Variants in FHIT observed in about 807,000 individuals in gnomAD.
The protein encoded by FHIT is fragile histidine triad diadenosine triphosphatase.
In FHIT, 19 loss-of-function variants were observed where a neutral mutation model predicts 17.9. That is an observed-to-expected ratio of 1.06 (90% confidence interval 0.74 to 1.56). FHIT has a LOEUF of 1.56. Among genes scored for constraint, FHIT ranks in the 40% most tolerant of loss-of-function variants. The pLI is 0.00. For synonymous variants in FHIT, 81 were observed against 69.7 expected (o/e 1.16, Z -0.81); for missense variants, 248 against 189.2 (o/e 1.31, Z -1.82).
intron 3 of FHIT, among the ~76,000 whole-genome samples, chr3:61,019,647 T>C (rs2032303655): frequency 6.6e-6 from 1 of 152,204 alleles, no homozygotes; most frequent in African/African-American, 2.4e-5. Flanking sequence ...CACTTAGCTC[T>C]CTTTATACCT....
At chr3:61,103,753 A>G (rs2035906467) in intron 2 of FHIT, among the ~76,000 whole-genome samples, 1 of 152,052 alleles carries the variant, frequency 6.6e-6, no homozygotes, top group Admixed American at 6.6e-5. Flanking sequence ...TTGGGTGCAT[A>G]TATATTTAGG....
At chr3:60,303,228 A>G (rs1356123541) in intron 5 of FHIT, among the ~76,000 whole-genome samples, 1 of 152,166 alleles carries the variant, frequency 6.6e-6, no homozygotes, top group Non-Finnish European at 1.5e-5. Flanking sequence ...CACCTCTAAA[A>G]TACAATTCAC....
At chr3:60,705,102 T>C (rs1553703169) in intron 4 of FHIT, among the ~76,000 whole-genome samples, 2 of 151,768 alleles carry the variant, frequency 1.3e-5, no homozygotes, top group East Asian at 3.9e-4. Flanking sequence ...TGCAATCTTG[T>C]AAACATAGGA....
At chr3:61,218,558 CA>C (rs2039748692) in intron 1 of FHIT, among the ~76,000 whole-genome samples, 1 of 151,878 alleles carries the variant, frequency 6.6e-6, no homozygotes, top group African/African-American at 2.4e-5. Flanking sequence ...AGTTTTTAAA[CA>C]GAAAAAAGGC....
chr3:60,924,342 T>A (rs1361940971), intron 3 of FHIT, among the ~76,000 whole-genome samples: 7 of 152,164 alleles, frequency 4.6e-5, no homozygotes, highest in African/African-American at 1.7e-4. Context: ...CACGGCCGGG[T>A]ACTCTTCTGA....
intron 5 of FHIT, among the ~76,000 whole-genome samples, chr3:60,349,446 A>C (rs73107022): frequency 4.6e-5 from 7 of 152,106 alleles, no homozygotes; most frequent in African/African-American, 1.7e-4. Flanking sequence ...GGATTTCCAG[A>C]TGTTTTCTGG....
intron 3 of FHIT, among the ~76,000 whole-genome samples, chr3:61,005,785 A>C (rs1197757074): frequency 6.6e-6 from 1 of 152,140 alleles, no homozygotes; most frequent in Non-Finnish European, 1.5e-5. Flanking sequence ...GAACACTTGG[A>C]ACAGCCTGGA....
chr3:59,761,836 C>A (rs1036833928), intron 8 of FHIT, among the ~76,000 whole-genome samples: 6 of 152,050 alleles, frequency 3.9e-5, no homozygotes, highest in Admixed American at 2.6e-4. Context: ...GACCTCATGA[C>A]CTGCCCGCCT....
At chr3:60,437,621 T>C (rs577475552) in intron 5 of FHIT, among the ~76,000 whole-genome samples, 1 of 152,074 alleles carries the variant, frequency 6.6e-6, no homozygotes, top group Non-Finnish European at 1.5e-5. Flanking sequence ...ATAATCATTA[T>C]ATAGATTAGG....
rs1576250081 is a variant in FHIT at position 60,173,631 on chromosome 3, G to A, written c.104-159479C>T. ...GGGAAGGTGAGGCCTAGGCAGGAGT[G>A]GAGATCAACGAAGCATGAAATGGTG... On this transcript the variant is annotated intron_variant, in intron 5 of 9. Coordinates refer to ENST00000492590, the MANE Select transcript of FHIT (RefSeq NM_002012.4). Among the ~76,000 whole-genome samples the A allele has an allele frequency of 2.6e-5, 4 of 151,840 alleles. No homozygotes were observed. The East Asian group carries it at 7.9e-4, about 30-fold the overall frequency.
chr3:61,242,060 T>A (rs1172128565), intron 1 of FHIT, among the ~76,000 whole-genome samples: 1 of 152,172 alleles, frequency 6.6e-6, no homozygotes, highest in Non-Finnish European at 1.5e-5. Context: ...CGGTGCTGGG[T>A]AATATATATT....
chr3:60,962,322 G>C (rs1007345905), intron 3 of FHIT, among the ~76,000 whole-genome samples: 3 of 152,350 alleles, frequency 2.0e-5, no homozygotes, highest in African/African-American at 7.2e-5. Flanking sequence ...AGCTTAAGGA[G>C]ATTTTGGGCT....
intron 4 of FHIT, among the ~76,000 whole-genome samples, chr3:60,554,871 G>A (rs548213250): frequency 1.3e-5 from 2 of 152,132 alleles, no homozygotes; most frequent in Non-Finnish European, 2.9e-5. Context: ...AAGCAATGCT[G>A]CTCATAGGTT....
intron 7 of FHIT, among the ~76,000 whole-genome samples, chr3:59,957,556 G>T (rs1159054259): frequency 1.3e-5 from 2 of 152,228 alleles, no homozygotes; most frequent in South Asian, 2.1e-4. Flanking sequence ...TCAGCACAAG[G>T]TAAGTATGCA....
intron 3 of FHIT, among the ~76,000 whole-genome samples, chr3:60,826,417 C>T (rs561637352): frequency 3.9e-5 from 6 of 152,266 alleles, no homozygotes; most frequent in Non-Finnish European, 7.4e-5. Flanking sequence ...ATCTCTGCCT[C>T]CCAGGTTCAA....
intron 8 of FHIT, among the ~76,000 whole-genome samples, chr3:59,863,132 G>A (rs1037339260): frequency 1.6e-4 from 24 of 152,194 alleles, no homozygotes; most frequent in African/African-American, 5.5e-4. Context: ...CCCTTTTAAG[G>A]TGAGATATTT....
At chr3:61,093,867 G>A (rs1387843721) in intron 2 of FHIT, among the ~76,000 whole-genome samples, 3 of 152,088 alleles carry the variant, frequency 2.0e-5, no homozygotes, top group African/African-American at 4.8e-5. Context: ...ATAAATAAAT[G>A]GTTACTAGTC....
intron 4 of FHIT, among the ~76,000 whole-genome samples, chr3:60,773,024 T>C (rs1439872008): frequency 6.6e-6 from 1 of 152,142 alleles, no homozygotes; most frequent in Non-Finnish European, 1.5e-5. Context: ...ATGAGATTGA[T>C]TTGAATAATA....
At chr3:61,202,095 C>T (rs1465700943) in intron 1 of FHIT, among the ~76,000 whole-genome samples, 2 of 152,072 alleles carry the variant, frequency 1.3e-5, no homozygotes, top group Non-Finnish European at 2.9e-5. Context: ...CACACACGCA[C>T]ATACACACAC....
Sources: gnomAD v4.1 joint callset for allele counts (sites outside exome capture counted in the v4.1 genomes callset) on GRCh38, gnomAD v4.1.1 for gene constraint, MANE v1.5 for transcripts, NCBI Gene and HGNC (gene_info 2026-07-23, HGNC 2026-07-21) for gene names.